ARHGEF2: variants seen among roughly 807,000 people sequenced by gnomAD.
ARHGEF2 encodes the protein rho guanine nucleotide exchange factor 2.
Under a neutral mutation model 121.0 loss-of-function variants are expected in ARHGEF2, and 22 were observed. The observed-to-expected ratio is 0.18, with a 90% confidence interval of 0.13 to 0.26. The LOEUF is 0.26. Among genes scored for constraint, ARHGEF2 ranks in the 10% least tolerant of loss-of-function variants. The pLI, the probability that ARHGEF2 is intolerant of heterozygous loss-of-function variation, is 1.00. For synonymous variants in ARHGEF2, 487 were observed against 530.0 expected (o/e 0.92, Z 1.11); for missense variants, 907 against 1,336.0 (o/e 0.68, Z 5.01).
At chr1:155,964,167 A>AATATATATATAT (rs869033599) in intron 7 of ARHGEF2, among the ~76,000 whole-genome samples, 14 of 91,194 alleles carry the variant, frequency 1.5e-4, no homozygotes, top group African/African-American at 7.3e-4. Context: ...AAAAAAAAAA[A>AATATATATATAT]ATATATATAT....
Position 155,951,193 on chromosome 1 carries a change from G to C in ARHGEF2, c.2339C>G (p.Ala780Gly), listed in dbSNP as rs1456482557. 6.2e-7 allele frequency: 1 copy of C among 1,608,008 alleles called. No homozygotes were observed. The highest frequency in any genetic ancestry group is 2.2e-5 in the East Asian group (1 of 44,762). The stretch of plus-strand genomic sequence containing the variant: ...GCCAGCCTCCCCATCCCGAGAGTTG[G>C]CTCGGCACAGCTTCTCCCGCCGCTC... The part of the protein sequence containing the change: ...GPERREKLCR[A>G]NSRDGEAGRA... Residue 780 changes from alanine (A) to glycine (G), a missense_variant, in exon 20 of 22, where the codon GCC becomes GGC. By Grantham distance (60) the Ala-to-Gly change is moderately conservative. Coordinates refer to ENST00000361247, the MANE Select transcript of ARHGEF2 (RefSeq NM_001162383.2). The surrounding 1 kb of genome is among the most constrained non-coding windows in gnomAD (Gnocchi z 5.1).
intron 7 of ARHGEF2, among the ~76,000 whole-genome samples, chr1:155,963,433 C>A (rs1008256763): frequency 6.7e-6 from 1 of 149,210 alleles, no homozygotes; most frequent in Admixed American, 6.7e-5. Context: ...GCAACCTCCA[C>A]CTCCTAGGTT....
chr1:155,966,767 A>G, intron 3 of ARHGEF2, 53 bp downstream of exon 3: 1 of 1,495,472 alleles, frequency 6.7e-7, no homozygotes, highest in Non-Finnish European at 9.3e-7. Context: ...GCATGAGGGT[A>G]CCGCACACTC....
At chr1:155,948,751 C>G (rs920027803) in intron 21 of ARHGEF2, among the ~76,000 whole-genome samples, 1 of 152,204 alleles carries the variant, frequency 6.6e-6, no homozygotes, top group African/African-American at 2.4e-5. Flanking sequence ...GCCTCGGCAA[C>G]AGCACAAGAC....
chr1:155,962,209 G>C lies in ARHGEF2; in HGVS notation c.1115C>G (p.Pro372Arg). 1 of 1,613,972 alleles carries C rather than the reference G, an allele frequency of 6.2e-7. No individual in the cohort carries two copies. The highest frequency in any genetic ancestry group is 8.5e-7 in the Non-Finnish European group (1 of 1,179,946). ...TACCCCGTGCCGCTTGAGCACGGCG[G>C]GGCGGGTCACTTTCTACAAGGGAGG... ...FQQFIRKVTR[P>R]AVLKRHGVQE... The change falls in exon 10 of 22, where the codon CCC becomes CGC. Residue 372 changes from proline (P) to arginine (R), a missense_variant. By Grantham distance (103) the Pro-to-Arg change is moderately radical. Transcript: ENST00000361247. The surrounding 1 kb of genome is among the most constrained non-coding windows in gnomAD (Gnocchi z 5.8).
chr1:155,978,512 C>T lies in ARHGEF2; in HGVS notation c.-85G>A. On this transcript the variant is annotated 5_prime_UTR_variant, in exon 1 of 22. Coordinates refer to ENST00000361247, the MANE Select transcript of ARHGEF2 (RefSeq NM_001162383.2). This position sits in a 1 kb window ranked among gnomAD's most constrained non-coding sequence, Gnocchi z 4.1. ...GGAAGGCGGGGGGAGGGGTTCGGCC[C>T]GCACGCGTTGGTCTCGGGGACAGGA... 1 of 1,319,612 alleles carries T rather than the reference C, an allele frequency of 7.6e-7. No homozygotes were observed. The highest frequency in any genetic ancestry group is 9.8e-7 in the Non-Finnish European group (1 of 1,021,858). The allele number at this position is 1,319,612 out of a possible 1,614,324, so 81.7% of individuals were successfully genotyped here. A position where few individuals can be genotyped will look rare whatever the true frequency, so the allele number is the denominator to read the frequency against.
Position 155,970,245 on chromosome 1 carries a change from G to A in ARHGEF2, c.64-945C>T, listed in dbSNP as rs893948873. 3.8e-5 allele frequency: 37 copies of A among 985,082 alleles called. No homozygotes were observed. The African/African-American group carries it at 5.8e-4, about 15-fold the overall frequency. The allele number at this position is 985,082 out of a possible 1,614,324, so 61.0% of individuals were successfully genotyped here. ...CCGCAGATGGCGCACACCTTCCTCGGAGCCTCTGAGCCGCATTTTCCATCT... is the reference window on the plus strand; with the variant it reads ...CCGCAGATGGCGCACACCTTCCTCGAAGCCTCTGAGCCGCATTTTCCATCT... On this transcript the variant is annotated intron_variant, in intron 1 of 21. Transcript: ENST00000361247.
At position 155,965,227 on chromosome 1, in the gene ARHGEF2, G is replaced by T; in HGVS notation, c.580+76C>A. ...ATCCCTTCCCTCCTTGTCCTTCCAG[G>T]CTACTCCCACCAGCCTCTCATCCCC... On this transcript the variant is annotated intron_variant, in intron 6 of 21. Transcript: ENST00000361247. This position sits in a 1 kb window ranked among gnomAD's most constrained non-coding sequence, Gnocchi z 6.0. The T allele has an allele frequency of 6.2e-7, 1 of 1,607,108 alleles. No individual in the cohort carries two copies. Among genetic ancestry groups the T allele is most frequent in the Non-Finnish European group, 8.5e-7 (1 of 1,174,454 alleles).
rs1194161359 is a variant in ARHGEF2, at chr1:155,960,509, T to C, written c.1468+1152A>G. Among the ~76,000 whole-genome samples the C allele has an allele frequency of 2.0e-5, 3 of 152,048 alleles. No homozygotes were observed. The East Asian group carries it at 5.8e-4, about 29-fold the overall frequency. ...GAGAGAGAAAACATACACTCCTCCTTTGCCCTTGGGGATTTTACTAAACTG... is the reference window on the plus strand; with the variant it reads ...GAGAGAGAAAACATACACTCCTCCTCTGCCCTTGGGGATTTTACTAAACTG... On this transcript the variant is annotated intron_variant, in intron 11 of 21. Transcript: ENST00000361247.
chr1:155,970,565 CA>C (rs1313182245), intron 1 of ARHGEF2: 1 of 985,388 alleles, frequency 1.0e-6, no homozygotes, highest in Non-Finnish European at 1.2e-6. Flanking sequence ...GTAGAAGCCC[CA>C]AGTCAGAGGA....
chr1:155,978,340 A>G lies in ARHGEF2; in HGVS notation c.63+25T>C, dbSNP rs1375519809. The G allele has an allele frequency of 2.0e-6, 3 of 1,496,088 alleles. No individual in the cohort carries two copies. Among genetic ancestry groups the G allele is most frequent in the South Asian group, 1.2e-5 (1 of 80,558 alleles). The allele number at this position is 1,496,088 out of a possible 1,614,324, so 92.7% of individuals were successfully genotyped here. On this transcript the variant is annotated intron_variant, in intron 1 of 21. Transcript: ENST00000361247. This position sits in a 1 kb window ranked among gnomAD's most constrained non-coding sequence, Gnocchi z 4.1. ...CGGGGAGCACCCGAGGACCGCGGCG[A>G]AAGGAGAGGGGTTTCCGAGCCCACC...
rs772673651 is a variant in ARHGEF2 at position 155,950,994 on chromosome 1, C to A, written c.2538G>T (p.Arg846=). The change falls in exon 20 of 22, where the codon CGG becomes CGT. Residue 846 remains arginine (R), a synonymous_variant. Coordinates refer to ENST00000361247, the MANE Select transcript of ARHGEF2 (RefSeq NM_001162383.2). The surrounding 1 kb of genome is among the most constrained non-coding windows in gnomAD (Gnocchi z 5.2). The part of the protein sequence containing the change: ...EARLRESEQA[R]ALLEREAEEA... ...CTTCGGCCTCACGCTCCAGCAGTGC[C>A]CGGGCCTGCTCACTCTCCCGGAGCC... 1.2e-6 allele frequency: 2 copies of A among 1,608,946 alleles called. No homozygotes were observed. Among genetic ancestry groups the A allele is most frequent in the Non-Finnish European group, 1.7e-6 (2 of 1,178,918 alleles).
chr1:155,961,569 C>T lies in ARHGEF2; in HGVS notation c.1468+92G>A, dbSNP rs1677931874. On this transcript the variant is annotated intron_variant, in intron 11 of 21. Transcript: ENST00000361247. The surrounding 1 kb of genome is among the most constrained non-coding windows in gnomAD (Gnocchi z 4.7). ...GATTACAGGCGTTGAGCCACTGCAC[C>T]CGGCCAAGAGAGGTTGATTCTAAGA... 4 of 1,528,678 alleles carry T rather than the reference C, an allele frequency of 2.6e-6. No individual in the cohort carries two copies. The African/African-American group carries it at 4.1e-5, about 16-fold the overall frequency. 94.7% of individuals were successfully genotyped at this position (1,528,678 alleles called of 1,614,324 possible).
rs574536758 is a variant in ARHGEF2 at position 155,969,096 on chromosome 1, G to T, written c.208+60C>A. 1.6e-5 allele frequency: 25 copies of T among 1,593,692 alleles called. No homozygotes were observed. The South Asian group carries it at 2.3e-4, about 15-fold the overall frequency. ...ATGGATCCAGGCAGAAAAAACAGAT[G>T]AAAAGATCAGGGTCAGTGGGCACCG... On this transcript the variant is annotated intron_variant, in intron 2 of 21. Coordinates refer to ENST00000361247, the MANE Select transcript of ARHGEF2 (RefSeq NM_001162383.2).
At chr1:155,964,180 A>ATT (rs1349746641) in intron 7 of ARHGEF2, among the ~76,000 whole-genome samples, 5 of 101,572 alleles carry the variant, frequency 4.9e-5, no homozygotes, top group Non-Finnish European at 5.5e-5. Context: ...ATATATATAT[A>ATT]TATATATATA....
intron 1 of ARHGEF2, 73 bp from the exon 2 acceptor site, chr1:155,969,373 C>T: frequency 6.3e-7 from 1 of 1,592,022 alleles, no homozygotes; most frequent in East Asian, 2.2e-5. Context: ...GAGAGACAGG[C>T]TGGGGGCAGA....
Position 155,951,326 on chromosome 1 carries a change from C to A in ARHGEF2, c.2260-54G>T. 6.4e-7 allele frequency: 1 copy of A among 1,564,322 alleles called. No individual in the cohort carries two copies. Among genetic ancestry groups the A allele is most frequent in the Non-Finnish European group, 8.7e-7 (1 of 1,150,492 alleles). ...TATCAGAACCCCTGTGCTCTTCTACCCCTCGCCTTCACCCTCCAAGGCCCA... is the reference window on the plus strand; with the variant it reads ...TATCAGAACCCCTGTGCTCTTCTACACCTCGCCTTCACCCTCCAAGGCCCA... On this transcript the variant is annotated intron_variant, in intron 19 of 21. Coordinates refer to ENST00000361247, the MANE Select transcript of ARHGEF2 (RefSeq NM_001162383.2). This position sits in a 1 kb window ranked among gnomAD's most constrained non-coding sequence, Gnocchi z 5.1.
intron 1 of ARHGEF2, among the ~76,000 whole-genome samples, chr1:155,975,466 A>C: frequency 6.7e-6 from 1 of 149,932 alleles, no homozygotes; most frequent in African/African-American, 2.4e-5. Context: ...CCCTTCCCCT[A>C]TCCTCACTTC....
intron 1 of ARHGEF2, chr1:155,972,445 C>A (rs1680642354): frequency 2.7e-6 from 1 of 364,120 alleles, no homozygotes; most frequent in African/African-American, 2.1e-5. Context: ...GGCCTGCTTA[C>A]CAGGGGTGCC....
Sources: gnomAD v4.1 joint callset for allele counts (sites outside exome capture counted in the v4.1 genomes callset) on GRCh38, gnomAD v4.1.1 for gene constraint, Gnocchi (gnomAD v3.1) non-coding constraint, MANE v1.5 for transcripts, NCBI Gene and HGNC (gene_info 2026-07-23, HGNC 2026-07-21) for gene names.